The following OVOL2 variants were observed in gnomAD, a reference collection of about 807,000 sequenced individuals.
OVOL2 encodes the protein ovo like zinc finger 2, also known as transcription factor Ovo-like 2.
Under a neutral mutation model 18.1 loss-of-function variants are expected in OVOL2, and 13 were observed. The observed-to-expected ratio is 0.72, with a 90% CI of 0.47 to 1.14. OVOL2 has a LOEUF of 1.14. Ranked by LOEUF, OVOL2 falls within the 50% of genes most tolerant of loss-of-function variation. The probability of loss-of-function intolerance (pLI) is 0.00; values close to 1 mark genes in which losing one functional copy is unlikely to be tolerated. For synonymous variants in OVOL2, 166 were observed against 162.7 expected, an observed-to-expected ratio of 1.02 and a Z score of -0.16; for missense variants, 335 against 383.0, an observed-to-expected ratio of 0.87 and a Z score of 1.05.
At chr20:18,059,087 T>G (rs2036855575), upstream of OVOL2, 1 of 152,400 alleles carries the variant, frequency 6.6e-6, no homozygotes, top group African/African-American at 2.4e-5. Context: ...CACCTGTCTG[T>G]AACCTGACCC....
chr20:18,047,446 G>T (rs576798207), intron 2 of OVOL2, among the ~76,000 whole-genome samples: 1 of 149,518 alleles, frequency 6.7e-6, no homozygotes, highest in East Asian at 1.9e-4. Context: ...GGAGGCGGAG[G>T]TTGCAGTGAG....
At chr20:18,041,405 C>T (rs2036666600) in intron 3 of OVOL2, 129 bp downstream of exon 3, 7 of 1,143,358 alleles carry the variant, frequency 6.1e-6, no homozygotes, top group South Asian at 1.7e-5. Context: ...CCTCGTGATC[C>T]GCATCTTGTG....
chr20:18,050,595 A>C (rs946541111), intron 2 of OVOL2: 2 of 152,228 alleles, frequency 1.3e-5, no homozygotes, highest in Admixed American at 6.5e-5. Context: ...CAATTAATAC[A>C]CATTGTTCTC....
rs890617062 is a variant in OVOL2, at chr20:18,056,636, G to C, written c.321+21C>G. The stretch of plus-strand genomic sequence containing the variant: ...CCAGGGCGTGGTGCAGGTGGCGGCG[G>C]GGGCAGAGTCGACACAGTACCTTGA... On this transcript the variant is annotated intron_variant, in intron 2 of 3. Coordinates refer to ENST00000278780, the MANE Select transcript of OVOL2 (RefSeq NM_021220.4). The surrounding 1 kb of genome is among the most constrained non-coding windows in gnomAD (Gnocchi z 4.2). The C allele has an allele frequency of 9.4e-6, 13 of 1,381,704 alleles. No homozygotes were observed. Among genetic ancestry groups the C allele is most frequent in the Non-Finnish European group, 1.2e-5 (13 of 1,066,874 alleles). The allele number at this position is 1,381,704 out of a possible 1,614,324, so 85.6% of individuals were successfully genotyped here. A position where few individuals can be genotyped will look rare whatever the true frequency, so the allele number is the denominator to read the frequency against.
At chr20:18,030,500 C>T (rs1229581518) in intron 3 of OVOL2, among the ~76,000 whole-genome samples, 3 of 152,190 alleles carry the variant, frequency 2.0e-5, no homozygotes, top group African/African-American at 7.2e-5. Context: ...CCAGCCAGGC[C>T]ACCACTCAGC....
chr20:18,027,640 G>T (rs1331134225), intron 3 of OVOL2, among the ~76,000 whole-genome samples: 2 of 152,024 alleles, frequency 1.3e-5, no homozygotes, highest in Non-Finnish European at 2.9e-5. Context: ...CTGTCGCCCA[G>T]GCTGGAATGC....
At chr20:18,054,252 T>C (rs1439858379) in intron 2 of OVOL2, among the ~76,000 whole-genome samples, 1 of 152,236 alleles carries the variant, frequency 6.6e-6, no homozygotes, top group Non-Finnish European at 1.5e-5. Context: ...GGTCCACAGC[T>C]AAGAAGTGAC....
chr20:18,043,835 C>A (rs561305389), intron 2 of OVOL2, among the ~76,000 whole-genome samples: 2 of 152,292 alleles, frequency 1.3e-5, no homozygotes, highest in South Asian at 4.1e-4. Context: ...ATTTTAGTAT[C>A]TGATTTGGTA....
chr20:18,031,795 G>A (rs567284676), intron 3 of OVOL2, among the ~76,000 whole-genome samples: 54 of 152,252 alleles, frequency 3.5e-4, no homozygotes, highest in Non-Finnish European at 1.3e-4. Flanking sequence ...GTCCTACCTA[G>A]TCCGAAAAAT....
At chr20:18,044,511 A>G (rs2122714139) in intron 2 of OVOL2, among the ~76,000 whole-genome samples, 1 of 152,318 alleles carries the variant, frequency 6.6e-6, no homozygotes, top group African/African-American at 2.4e-5. Flanking sequence ...TATTCCAGTC[A>G]GCCTCCTCCA....
intron 2 of OVOL2, among the ~76,000 whole-genome samples, chr20:18,055,888 G>T (rs1473654538): frequency 6.6e-6 from 1 of 152,224 alleles, no homozygotes; most frequent in Non-Finnish European, 1.5e-5. Flanking sequence ...CCTAAACCTT[G>T]GTGGGTAGCG....
At chr20:18,049,305 C>A (rs574985715) in intron 2 of OVOL2, among the ~76,000 whole-genome samples, 5 of 152,166 alleles carry the variant, frequency 3.3e-5, no homozygotes, top group African/African-American at 1.2e-4. Context: ...AGCTTCAAAG[C>A]CGGCTCAGAT....
At position 18,029,858 on chromosome 20, in the gene OVOL2, G is replaced by A. The variant is rs529182925; in HGVS notation, c.512-4906C>T. Among the ~76,000 whole-genome samples, 14 of 152,056 alleles carry A rather than the reference G, an allele frequency of 9.2e-5. 1 individual carries two copies. The South Asian group carries it at 2.9e-3, about 32-fold the overall frequency. ...GCTGGGCATGGTGGCATGCCCCTGTGGTCCCAGCTACTCAGGAGGCTAAGG... is the reference window on the plus strand; with the variant it reads ...GCTGGGCATGGTGGCATGCCCCTGTAGTCCCAGCTACTCAGGAGGCTAAGG... On this transcript the variant is annotated intron_variant, in intron 3 of 3. Coordinates refer to ENST00000278780, the MANE Select transcript of OVOL2 (RefSeq NM_021220.4).
intron 3 of OVOL2, among the ~76,000 whole-genome samples, chr20:18,035,266 C>T (rs1164347488): frequency 3.9e-5 from 6 of 152,188 alleles, no homozygotes; most frequent in Non-Finnish European, 7.3e-5. Context: ...GTCTGGCCAA[C>T]ATGGTGAAAC....
upstream of OVOL2, among the ~76,000 whole-genome samples, chr20:18,058,409 C>A (rs1483034438): frequency 1.4e-5 from 2 of 147,842 alleles, no homozygotes; most frequent in Admixed American, 6.7e-5. Flanking sequence ...ACAACACCCC[C>A]CCCCCATAAG....
chr20:18,041,279 T>C (rs2036665189), intron 3 of OVOL2, among the ~76,000 whole-genome samples: 1 of 151,740 alleles, frequency 6.6e-6, no homozygotes, highest in South Asian at 2.1e-4. Flanking sequence ...TTCTCCTGCC[T>C]CAGCCTCCCA....
At chr20:18,040,998 T>C (rs2036662784) in intron 3 of OVOL2, among the ~76,000 whole-genome samples, 1 of 152,078 alleles carries the variant, frequency 6.6e-6, no homozygotes, top group Non-Finnish European at 1.5e-5. Flanking sequence ...CAGGGATCCG[T>C]TTTGAGCCTC....
intron 3 of OVOL2, among the ~76,000 whole-genome samples, chr20:18,036,006 A>AT (rs1306476017): frequency 1.3e-5 from 2 of 152,266 alleles, no homozygotes; most frequent in African/African-American, 4.8e-5. Flanking sequence ...AAAAATTGAG[A>AT]TTTTTGGCCG....
chr20:18,026,731 G>A (rs1220357454), intron 3 of OVOL2, among the ~76,000 whole-genome samples: 1 of 152,070 alleles, frequency 6.6e-6, no homozygotes, highest in Non-Finnish European at 1.5e-5. Context: ...GTTCAACTTG[G>A]CTTTCAAGAG....
Sources: gnomAD v4.1 joint callset for allele counts (sites outside exome capture counted in the v4.1 genomes callset) on GRCh38, gnomAD v4.1.1 for gene constraint, Gnocchi (gnomAD v3.1) non-coding constraint, MANE v1.5 for transcripts, NCBI Gene and HGNC (gene_info 2026-07-23, HGNC 2026-07-21) for gene names.